The following SIX4 variants were observed in gnomAD, a reference collection of about 807,000 sequenced individuals.
The protein encoded by SIX4 is SIX homeobox 4, also known as homeobox protein SIX4.
A neutral mutation model predicts 51.5 loss-of-function variants in SIX4; 23 were observed. The observed-to-expected ratio is 0.45, with a 90% CI of 0.32 to 0.63. The LOEUF is 0.63. Ranked by LOEUF, SIX4 falls within the 30% of genes least tolerant of loss-of-function variation. SIX4 has a pLI of 0.04. For synonymous variants in SIX4, 413 were observed against 417.3 expected (o/e 0.99, Z 0.13); for missense variants, 867 against 984.0 (o/e 0.88, Z 1.59).
chr14:60,724,308 C>CCT lies in SIX4; in HGVS notation c.-235_-234insAG. Reference sequence around the variant, plus strand: ...GTGTAAACGGATAGCTGCTTTCTGCCGTTCCCCCAACGTGACTCCTCCGGT... The same window carrying CCT: ...GTGTAAACGGATAGCTGCTTTCTGCCCTGTTCCCCCAACGTGACTCCTCCGGT... On this transcript the variant is annotated 5_prime_UTR_variant, in exon 1 of 3. An upstream open reading frame in the 5' UTR loses its in-frame stop. Coordinates refer to ENST00000216513, the MANE Select transcript of SIX4 (RefSeq NM_017420.5). 1 of 1,512,460 alleles carries CCT rather than the reference C, an allele frequency of 6.6e-7. No individual in the cohort carries two copies. The highest frequency in any genetic ancestry group is 8.8e-7 in the Non-Finnish European group (1 of 1,131,918). The allele number at this position is 1,512,460 out of a possible 1,614,324, so 93.7% of individuals were successfully genotyped here.
chr14:60,718,739 C>A (rs1895964637), intron 2 of SIX4, among the ~76,000 whole-genome samples: 1 of 152,134 alleles, frequency 6.6e-6, no homozygotes, highest in African/African-American at 2.4e-5. Context: ...AAATTTAGAA[C>A]AATTTTTCCA....
chr14:60,719,903 A>G lies in SIX4; in HGVS notation c.1406T>C (p.Val469Ala). ...TTGCACTGGTGTAGTAAAAGTCACT[A>G]CAGACCCTCCATCTTGGGAAGCCAC... ...QTVASQDGGS[V>A]VTFTTPVQIN... Residue 469 changes from valine to alanine, a missense_variant, in exon 2 of 3, where the codon GTA becomes GCA. Transcript: ENST00000216513. The surrounding 1 kb of genome is among the most constrained non-coding windows in gnomAD (Gnocchi z 4.9). 3 of 1,614,166 alleles carry G rather than the reference A, an allele frequency of 1.9e-6. No homozygotes were observed. The highest frequency in any genetic ancestry group is 1.7e-6 in the Non-Finnish European group (2 of 1,180,030).
rs1895851309 is a variant in SIX4 at position 60,713,041 on chromosome 14, A to G, written c.*366T>C. On this transcript the variant is annotated 3_prime_UTR_variant, in exon 3 of 3. Transcript: ENST00000216513. ...AATTGTATTATTTCTAATGGTCTGCAGCTATCTTTAATTTTCTATGTTAGG... is the reference window on the plus strand; with the variant it reads ...AATTGTATTATTTCTAATGGTCTGCGGCTATCTTTAATTTTCTATGTTAGG... 5.8e-6 allele frequency: 1 copy of G among 173,072 alleles called. No homozygotes were observed. Among genetic ancestry groups the G allele is most frequent in the Admixed American group, 5.8e-5 (1 of 17,150 alleles). The allele number at this position is 173,072 out of a possible 1,614,324, so 10.7% of individuals were successfully genotyped here.
Position 60,723,448 on chromosome 14 carries a change from C to T in SIX4, c.627G>A (p.Arg209=). The part of the protein sequence containing the change: ...GRPLGAVDKY[R]LRRKFPLPRT... ...GGGGCAGGGGGAATTTCCTGCGCAG[C>T]CGGTACTTGTCTACGGCTCCCAGCG... The change falls in exon 1 of 3, where the codon CGG becomes CGA. Residue 209 remains arginine (R), a synonymous_variant. Coordinates refer to ENST00000216513, the MANE Select transcript of SIX4 (RefSeq NM_017420.5). 1 of 1,609,702 alleles carries T rather than the reference C, an allele frequency of 6.2e-7. No homozygotes were observed. Among genetic ancestry groups the T allele is most frequent in the East Asian group, 2.2e-5 (1 of 44,784 alleles).
At position 60,724,175 on chromosome 14, in the gene SIX4, C is replaced by T; in HGVS notation, c.-101G>A. The T allele has an allele frequency of 2.5e-6, 4 of 1,592,176 alleles. No homozygotes were observed. Among genetic ancestry groups the T allele is most frequent in the Admixed American group, 1.7e-5 (1 of 57,228 alleles). On this transcript the variant is annotated 5_prime_UTR_variant, in exon 1 of 3. Coordinates refer to ENST00000216513, the MANE Select transcript of SIX4 (RefSeq NM_017420.5). ...CCTCCTTCGTCTCCCTCCCTCCTCT[C>T]CCCCTCCGGAAAGCCCACTCCCTCC... is the stretch of plus-strand genomic sequence containing the variant.
In SIX4 at chr14:60,724,296, G is replaced by A; in HGVS notation, c.-222C>T. ...TAGAGCAAAGTAGTGTAAACGGATA[G>A]CTGCTTTCTGCCGTTCCCCCAACGT... On this transcript the variant is annotated 5_prime_UTR_variant, in exon 1 of 3. Coordinates refer to ENST00000216513, the MANE Select transcript of SIX4 (RefSeq NM_017420.5). 6.6e-7 allele frequency: 1 copy of A among 1,521,932 alleles called. No homozygotes were observed. Among genetic ancestry groups the A allele is most frequent in the Non-Finnish European group, 8.8e-7 (1 of 1,138,100 alleles). The allele number at this position is 1,521,932 out of a possible 1,614,324, so 94.3% of individuals were successfully genotyped here.
intron 2 of SIX4, among the ~76,000 whole-genome samples, chr14:60,718,869 C>A (rs531938881): frequency 6.6e-6 from 1 of 152,244 alleles, no homozygotes; most frequent in East Asian, 1.9e-4. Flanking sequence ...TTAAAGCCAA[C>A]AATTACTACT....
At chr14:60,714,262 T>TA in intron 2 of SIX4, 59 bp from the exon 3 acceptor site, 1 of 1,432,888 alleles carries the variant, frequency 7.0e-7, no homozygotes, top group Non-Finnish European at 9.2e-7. Flanking sequence ...GAAAAAAAGT[T>TA]ACACACACGT....
rs1188261313 is a variant in SIX4 at position 60,712,584 on chromosome 14, T to C, written c.*823A>G. ...ATAGATTCCTGGTAAAAATCATTAT[T>C]TTTAAAATCCTACAAAAAGTAAAAC... is the stretch of plus-strand genomic sequence containing the variant. On this transcript the variant is annotated 3_prime_UTR_variant, in exon 3 of 3. Coordinates refer to ENST00000216513, the MANE Select transcript of SIX4 (RefSeq NM_017420.5). The C allele has an allele frequency of 6.6e-6, 1 of 152,596 alleles. No individual in the cohort carries two copies. Among genetic ancestry groups the C allele is most frequent in the African/African-American group, 2.4e-5 (1 of 41,454 alleles). The allele number at this position is 152,596 out of a possible 1,614,324, so 9.5% of individuals were successfully genotyped here. A position where few individuals can be genotyped will look rare whatever the true frequency, so the allele number is the denominator to read the frequency against.
chr14:60,713,445 G>A lies in SIX4; in HGVS notation c.2308C>T (p.Gln770Ter). 2 of 1,613,656 alleles carry A rather than the reference G, an allele frequency of 1.2e-6. No homozygotes were observed. Among genetic ancestry groups the A allele is most frequent in the Admixed American group, 1.7e-5 (1 of 59,894 alleles). The stretch of plus-strand genomic sequence containing the variant: ...ATATCTTCATCCAGCTGGACAGTCT[G>A]GAGCTTGGCAAGCTCTTTTTTGTCT... ...ETDKKELAKL[Q>*]TVQLDEDMQD... The change falls in exon 3 of 3, where the codon CAG becomes TAG. Residue 770 changes from glutamine to a stop codon, truncating the protein, a stop_gained. Transcript: ENST00000216513. LOFTEE classifies it high-confidence loss of function.
In SIX4 at chr14:60,713,074, A is replaced by C. The variant is rs895990182; in HGVS notation, c.*333T>G. ...TTAATTTTCTATGTTAGGTGTATAC[A>C]TTTTTTAATTTAAAAAACTATCAAG... On this transcript the variant is annotated 3_prime_UTR_variant, in exon 3 of 3. Transcript: ENST00000216513. 1.0e-5 allele frequency: 2 copies of C among 199,692 alleles called. No individual in the cohort carries two copies. The highest frequency in any genetic ancestry group is 4.7e-5 in the African/African-American group (2 of 42,812). The allele number at this position is 199,692 out of a possible 1,614,324, so 12.4% of individuals were successfully genotyped here. A position where few individuals can be genotyped will look rare whatever the true frequency, so the allele number is the denominator to read the frequency against.
At chr14:60,718,930 G>A (rs7141965) in intron 2 of SIX4, among the ~76,000 whole-genome samples, 4,645 of 152,170 alleles carry the variant, frequency 0.031, 195 homozygotes, top group African/African-American at 0.099. Context: ...GAAGGCAAAC[G>A]TGCATTAAGA....
chr14:60,723,817 G>A lies in SIX4; in HGVS notation c.258C>T (p.Leu86=), dbSNP rs1250605426. 2.0e-6 allele frequency: 3 copies of A among 1,535,544 alleles called. No individual in the cohort carries two copies. Among genetic ancestry groups the A allele is most frequent in the Middle Eastern group, 1.9e-4 (1 of 5,328 alleles). The part of the protein sequence containing the change: ...AAGAAADQVQ[L]HSELLGRHHH... ...GGTGCCTGCCCAGAAGTTCCGAGTG[G>A]AGTTGTACCTGATCCGCCGCCGCTC... The change falls in exon 1 of 3, where the codon CTC becomes CTT. Residue 86 remains leucine, a synonymous_variant. Coordinates refer to ENST00000216513, the MANE Select transcript of SIX4 (RefSeq NM_017420.5).
intron 2 of SIX4, among the ~76,000 whole-genome samples, chr14:60,716,961 T>G (rs1594697635): frequency 6.6e-6 from 1 of 152,382 alleles, no homozygotes; most frequent in Admixed American, 6.5e-5. Flanking sequence ...TCTAAGTATG[T>G]TTCAGTTATT....
At position 60,722,409 on chromosome 14, in the gene SIX4, C is replaced by T. The variant is rs1372982489; in HGVS notation, c.863+803G>A. Among the ~76,000 whole-genome samples, 5 of 152,146 alleles carry T rather than the reference C, an allele frequency of 3.3e-5. No homozygotes were observed. The highest frequency in any genetic ancestry group is 7.4e-5 in the Non-Finnish European group (5 of 68,022). On this transcript the variant is annotated intron_variant, in intron 1 of 2. Transcript: ENST00000216513. The surrounding 1 kb of genome is among the most constrained non-coding windows in gnomAD (Gnocchi z 5.9). Reference sequence around the variant, plus strand: ...TGCCCCCCACCCATAACTACCGTACCAGGAGGGAGCCAAGCAGCGTTCGGG... The same window carrying T: ...TGCCCCCCACCCATAACTACCGTACTAGGAGGGAGCCAAGCAGCGTTCGGG...
At position 60,713,345 on chromosome 14, in the gene SIX4, C is replaced by G. The variant is rs1278468964; in HGVS notation, c.*62G>C. 10 of 1,508,424 alleles carry G rather than the reference C, an allele frequency of 6.6e-6. No homozygotes were observed. The East Asian group carries it at 2.0e-4, about 31-fold the overall frequency. The allele number at this position is 1,508,424 out of a possible 1,614,324, so 93.4% of individuals were successfully genotyped here. ...CTTTAAATGGGAAAATGTTTTGTGT[C>G]CTTGGGGCTTCATGAAAAGATTTGC... On this transcript the variant is annotated 3_prime_UTR_variant, in exon 3 of 3. Transcript: ENST00000216513.
chr14:60,714,472 A>G (rs1391605561), intron 2 of SIX4, among the ~76,000 whole-genome samples: 2 of 152,014 alleles, frequency 1.3e-5, no homozygotes, highest in Non-Finnish European at 2.9e-5. Flanking sequence ...TTGTATGGAG[A>G]CATCTTTTAT....
rs1201691191 is a variant in SIX4, at chr14:60,724,315, C to G, written c.-241G>C. 22 of 1,505,446 alleles carry G rather than the reference C, an allele frequency of 1.5e-5. No homozygotes were observed. The highest frequency in any genetic ancestry group is 2.4e-5 in the South Asian group (2 of 82,950). 93.3% of individuals were successfully genotyped at this position (1,505,446 alleles called of 1,614,324 possible). On this transcript the variant is annotated 5_prime_UTR_variant, in exon 1 of 3. Transcript: ENST00000216513. ...CGGATAGCTGCTTTCTGCCGTTCCC[C>G]CAACGTGACTCCTCCGGTTGCTGCA...
chr14:60,721,485 G>A (rs117055123), intron 1 of SIX4, among the ~76,000 whole-genome samples: 3 of 152,222 alleles, frequency 2.0e-5, no homozygotes, highest in Admixed American at 6.5e-5. Context: ...GGCCAGGAGC[G>A]CAGAAAGCGC....
Sources: gnomAD v4.1 joint callset for allele counts (sites outside exome capture counted in the v4.1 genomes callset) on GRCh38, gnomAD v4.1.1 for gene constraint, Gnocchi (gnomAD v3.1) non-coding constraint, MANE v1.5 for transcripts, NCBI Gene and HGNC (gene_info 2026-07-23, HGNC 2026-07-21) for gene names.